Variants in CNOT3 observed in about 807,000 individuals in gnomAD.
The protein encoded by CNOT3 is CCR4-NOT transcription complex subunit 3, also known as CCR4-associated factor 3.
Under a neutral mutation model 89.4 loss-of-function variants are expected in CNOT3, and 2 were observed. That is an observed-to-expected ratio of 0.02 (90% CI 0.01 to 0.07). The LOEUF (loss-of-function observed/expected upper bound fraction) is 0.07. Among genes scored for constraint, CNOT3 ranks in the 10% least tolerant of loss-of-function variants. The probability of loss-of-function intolerance (pLI) is 1.00; values close to 1 mark genes in which losing one functional copy is unlikely to be tolerated. For missense variants in CNOT3, 664 were observed against 1,010.2 expected, an observed-to-expected ratio of 0.66 and a Z score of 4.65; for synonymous variants, 486 against 402.0, an observed-to-expected ratio of 1.21 and a Z score of -2.50.
Position 54,144,413 on chromosome 19 carries a change from C to T in CNOT3, c.483+81C>T. On this transcript the variant is annotated intron_variant, in intron 7 of 17. Transcript: ENST00000221232. This position sits in a 1 kb window ranked among gnomAD's most constrained non-coding sequence, Gnocchi z 4.8. ...GCCAGCAGGAGGCCAGTCATTTATG[C>T]TCCTGGGAGTTGGGGCCTGGATTCC... 1 of 1,037,796 alleles carries T rather than the reference C, an allele frequency of 9.6e-7. No individual in the cohort carries two copies. The highest frequency in any genetic ancestry group is 1.6e-5 in the African/African-American group (1 of 63,958). 64.3% of individuals were successfully genotyped at this position (1,037,796 alleles called of 1,614,324 possible). A position where few individuals can be genotyped will look rare whatever the true frequency, so the allele number is the denominator to read the frequency against.
intron 9 of CNOT3, 46 bp downstream of exon 9, chr19:54,146,089 G>C: frequency 6.2e-7 from 1 of 1,600,798 alleles, no homozygotes; most frequent in African/African-American, 1.3e-5. Flanking sequence ...CAGCAGGGCA[G>C]GACTCGAGGA....
chr19:54,143,743 T>A lies in CNOT3; in HGVS notation c.252T>A (p.Ile84=). 1 of 1,612,672 alleles carries A rather than the reference T, an allele frequency of 6.2e-7. No individual in the cohort carries two copies. The highest frequency in any genetic ancestry group is 8.5e-7 in the Non-Finnish European group (1 of 1,179,680). Residue 84 remains isoleucine, a synonymous_variant, in exon 5 of 18, where the codon ATT becomes ATA. Transcript: ENST00000221232. ...AGCTTATAGACAACCGCAAGCTCATTGAGACGGTAGGAGCCCAGAGCCTGA... is the reference window on the plus strand; with the variant it reads ...AGCTTATAGACAACCGCAAGCTCATAGAGACGGTAGGAGCCCAGAGCCTGA... ...KRQLIDNRKL[I]ETQMERFKVV...
intron 3 of CNOT3, 76 bp from the exon 4 acceptor site, chr19:54,143,366 C>A: frequency 1.3e-6 from 2 of 1,490,714 alleles, no homozygotes; most frequent in Non-Finnish European, 1.9e-6. Flanking sequence ...GAGTCCCTAG[C>A]ATAAGGAAGA....
chr19:54,150,978 A>G (rs2075063356), intron 13 of CNOT3, among the ~76,000 whole-genome samples: 1 of 151,852 alleles, frequency 6.6e-6, no homozygotes, highest in East Asian at 1.9e-4. Context: ...TTTAATAGAG[A>G]TGGGGTTTTG....
intron 16 of CNOT3, chr19:54,153,398 G>C (rs369056145): frequency 2.6e-6 from 2 of 769,192 alleles, no homozygotes; most frequent in Middle Eastern, 2.3e-4. Flanking sequence ...ACCCCAGTGA[G>C]TCATGAGTGA....
rs147349755 is a variant in CNOT3 at position 54,149,164 on chromosome 19, C to T, written c.1407-396C>T. Among the ~76,000 whole-genome samples the T allele has an allele frequency of 2.5e-4, 38 of 152,242 alleles. No individual in the cohort carries two copies. In the East Asian group the frequency reaches 5.6e-3, roughly 23 times the overall value. On this transcript the variant is annotated intron_variant, in intron 12 of 17. Coordinates refer to ENST00000221232, the MANE Select transcript of CNOT3 (RefSeq NM_014516.4). ...CATTCCACTGGGTCTGCCTGTTTCC[C>T]GAAGAATGCCCTAAGAAAGATCAGT...
intron 10 of CNOT3, 57 bp downstream of exon 10, chr19:54,146,714 A>T (rs2074692343): frequency 2.2e-6 from 2 of 908,890 alleles, no homozygotes; most frequent in Non-Finnish European, 3.7e-6. Flanking sequence ...TGCTTCCCAA[A>T]GGCATCTTGA....
intron 9 of CNOT3, 59 bp downstream of exon 9, chr19:54,146,102 C>CA: frequency 6.3e-7 from 1 of 1,589,006 alleles, no homozygotes; most frequent in Non-Finnish European, 8.6e-7. Flanking sequence ...CTCGAGGAGA[C>CA]AAATCTGGGT....
intron 17 of CNOT3, 171 bp downstream of exon 17, chr19:54,154,011 C>T: frequency 1.2e-6 from 1 of 828,046 alleles, no homozygotes; most frequent in Non-Finnish European, 2.1e-6. Context: ...GGAACACCGC[C>T]CTCTCATCCT....
chr19:54,143,973 TGA>T (rs1383430515), intron 5 of CNOT3, 31 bp from the exon 6 acceptor site: 1 of 1,583,810 alleles, frequency 6.3e-7, no homozygotes, highest in South Asian at 1.2e-5. Context: ...TTCCCACCTT[TGA>T]GAGCCCCCCT....
chr19:54,146,601 G>A lies in CNOT3; in HGVS notation c.838G>A (p.Glu280Lys). The change falls in exon 10 of 18, where the codon GAA (glutamate) becomes AAA (lysine). Residue 280 changes from glutamate to lysine, a missense_variant and splice_region_variant. Transcript: ENST00000221232. ...TTCTATTCTGCCTCCCCTACCTCAG[G>A]AAAACTCTGAAGATGATAAGAAGAG... ...IPPSPANCTT[E>K]NSEDDKKRGR... is the part of the protein sequence containing the mutation. 6.7e-7 allele frequency: 1 copy of A among 1,498,578 alleles called. No homozygotes were observed. The highest frequency in any genetic ancestry group is 9.3e-7 in the Non-Finnish European group (1 of 1,074,804). 92.8% of individuals were successfully genotyped at this position (1,498,578 alleles called of 1,614,324 possible).
At chr19:54,153,158 C>G (rs926305939) in intron 16 of CNOT3, 159 bp downstream of exon 16, 1 of 769,364 alleles carries the variant, frequency 1.3e-6, no homozygotes, top group African/African-American at 1.7e-5. Context: ...CCAAATCCAC[C>G]TGTCCCCGTC....
intron 16 of CNOT3, chr19:54,153,343 CA>C: frequency 1.3e-6 from 1 of 762,470 alleles, no homozygotes; most frequent in Non-Finnish European, 2.4e-6. Context: ...GGCACATTCT[CA>C]GGCCTCCCTG....
At position 54,147,691 on chromosome 19, in the gene CNOT3, G is replaced by GAGT. The variant is rs587723059; in HGVS notation, c.895-454_895-452dup. On this transcript the variant is annotated intron_variant, in intron 10 of 17. Transcript: ENST00000221232. ...GAGTGCTGGTAACTTCCAGCCCTGT[G>GAGT]AGTAGCTTCTGTGACCCTTCAGGTG... 1.7e-4 allele frequency among the ~76,000 whole-genome samples: 26 copies of GAGT among 152,342 alleles called. No individual in the cohort carries two copies. The East Asian group carries it at 4.4e-3, about 26-fold the overall frequency.
chr19:54,149,788 T>C (rs1213717425), intron 13 of CNOT3, 30 bp downstream of exon 13: 15 of 1,565,178 alleles, frequency 9.6e-6, no homozygotes, highest in Non-Finnish European at 1.2e-5. Context: ...CCCGAGCCTC[T>C]GTGTCCTGAC....
In CNOT3 at chr19:54,148,207, T is replaced by C. The variant is rs778122851; in HGVS notation, c.954T>C (p.Ala318=). The part of the protein sequence containing the change: ...VHSNQHPQSP[A]VPPTYPSGPP... ...GCAACCAGCACCCTCAGTCCCCAGC[T>C]GTGCCGCCCACCTACCCCTCCGGCC... is the stretch of plus-strand genomic sequence containing the variant. The change falls in exon 11 of 18, where the codon GCT becomes GCC. Residue 318 remains alanine, a synonymous_variant. Coordinates refer to ENST00000221232, the MANE Select transcript of CNOT3 (RefSeq NM_014516.4). The surrounding 1 kb of genome is among the most constrained non-coding windows in gnomAD (Gnocchi z 6.3). 1.9e-6 allele frequency: 3 copies of C among 1,588,076 alleles called. No individual in the cohort carries two copies. The highest frequency in any genetic ancestry group is 2.6e-6 in the Non-Finnish European group (3 of 1,167,468).
At chr19:54,150,569 T>C (rs1004141179) in intron 13 of CNOT3, among the ~76,000 whole-genome samples, 1 of 137,500 alleles carries the variant, frequency 7.3e-6, no homozygotes, top group Non-Finnish European at 1.6e-5. Flanking sequence ...CCAGTGTGTA[T>C]GCCCAGGCTG....
At chr19:54,141,023 A>G (rs2074428006) in intron 1 of CNOT3, among the ~76,000 whole-genome samples, 1 of 152,146 alleles carries the variant, frequency 6.6e-6, no homozygotes, top group South Asian at 2.1e-4. Context: ...GAGGGAGTGT[A>G]AACTCTCGTT....
chr19:54,150,555 G>C (rs1435084180), intron 13 of CNOT3, among the ~76,000 whole-genome samples: 2 of 152,122 alleles, frequency 1.3e-5, no homozygotes, highest in Non-Finnish European at 2.9e-5. Context: ...CTTCCATGGG[G>C]GGACCAGTGT....
Sources: gnomAD v4.1 joint callset for allele counts (sites outside exome capture counted in the v4.1 genomes callset) on GRCh38, gnomAD v4.1.1 for gene constraint, Gnocchi (gnomAD v3.1) non-coding constraint, MANE v1.5 for transcripts, NCBI Gene and HGNC (gene_info 2026-07-23, HGNC 2026-07-21) for gene names.